MUCL3: variants seen among roughly 807,000 people sequenced by gnomAD.
The protein encoded by MUCL3 is mucin-like protein 3.
In MUCL3, 42 loss-of-function variants were observed where a neutral mutation model predicts 70.2. The ratio of observed to expected loss-of-function variants is 0.60; its 90% CI spans 0.47 to 0.77. The LOEUF is 0.77. Among genes scored for constraint, MUCL3 ranks in the 30% least tolerant of loss-of-function variants. MUCL3 has a pLI of 0.00. For missense variants in MUCL3, 1,429 were observed against 1,670.0 expected, an observed-to-expected ratio of 0.86 and a Z score of 2.52; for synonymous variants, 522 against 647.0, an observed-to-expected ratio of 0.81 and a Z score of 2.93.
At chr6:30,943,500 A>G (rs1261032353) in intron 1 of MUCL3, among the ~76,000 whole-genome samples, 1 of 151,464 alleles carries the variant, frequency 6.6e-6, no homozygotes, top group Non-Finnish European at 1.5e-5. Context: ...GGGAGGCTCA[A>G]GCGCAGTCTA....
chr6:30,951,600 G>C lies in MUCL3; in HGVS notation c.3136G>C (p.Glu1046Gln), dbSNP rs1182585140. 2.6e-6 allele frequency: 4 copies of C among 1,542,434 alleles called. No homozygotes were observed. Among genetic ancestry groups the C allele is most frequent in the Admixed American group, 2.0e-5 (1 of 50,806 alleles). Residue 1046 changes from glutamate to glutamine, a missense_variant, in exon 2 of 3, where the codon GAA becomes CAA. Glu to Gln is a conservative substitution (Grantham distance 29). Transcript: ENST00000462446. ...TCCAGCAAAGCCTACAGAACACGAA[G>C]AAATGACCCCATCGGCCAATGAGAA... ...PSPAKPTEHEEMTPSANENTT... is the reference protein window; with the variant it reads ...PSPAKPTEHEQMTPSANENTT...
intron 1 of MUCL3, 87 bp from the exon 2 acceptor site, chr6:30,948,460 A>G: frequency 9.4e-7 from 1 of 1,064,808 alleles, no homozygotes; most frequent in Non-Finnish European, 1.3e-6. Flanking sequence ...CAGGGGGAAC[A>G]AAGAGATCCC....
rs1335910271 is a variant in MUCL3, at chr6:30,950,787, C to A, written c.2323C>A (p.Pro775Thr). ...RTPLANEKTT[P>T]SLAEPTENGK... ...TCCATTGGCCAATGAGAAGACCACA[C>A]CATCTCTAGCAGAGCCTACAGAAAA... Residue 775 changes from proline to threonine, a missense_variant, in exon 2 of 3, where the codon CCA (proline) becomes ACA (threonine). Pro to Thr is a conservative substitution (Grantham distance 38). Coordinates refer to ENST00000462446, the MANE Select transcript of MUCL3 (RefSeq NM_080870.4). 2.6e-6 allele frequency: 4 copies of A among 1,548,708 alleles called. 1 individual carries two copies. The highest frequency in any genetic ancestry group is 2.4e-5 in the South Asian group (2 of 83,870).
At chr6:30,941,398 C>T (rs1795564910) in intron 1 of MUCL3, among the ~76,000 whole-genome samples, 1 of 151,662 alleles carries the variant, frequency 6.6e-6, no homozygotes, top group Non-Finnish European at 1.5e-5. Flanking sequence ...CATTGAGCAC[C>T]GTGCACGGAA....
chr6:30,951,762 T>C lies in MUCL3; in HGVS notation c.3298T>C (p.Ser1100Pro). The C allele has an allele frequency of 6.4e-7, 1 of 1,553,444 alleles. No individual in the cohort carries two copies. The highest frequency in any genetic ancestry group is 8.7e-7 in the Non-Finnish European group (1 of 1,148,280). The change falls in exon 2 of 3, where the codon TCC (serine) becomes CCC (proline). Residue 1100 changes from serine to proline, a missense_variant. Transcript: ENST00000462446. ...GTCGGCCAATGAGAAGATCACACCA[T>C]CCCTAGCAAAGCCTACAGAACATGG... ...TTSANEKITP[S>P]LAKPTEHGER...
intron 1 of MUCL3, among the ~76,000 whole-genome samples, chr6:30,945,675 C>T (rs1795750981): frequency 6.6e-6 from 1 of 151,914 alleles, no homozygotes; most frequent in African/African-American, 2.4e-5. Context: ...AAAACCCCGG[C>T]CGGATGCAAT....
rs1247933295 is a variant in MUCL3, at chr6:30,949,864, C to G, written c.1400C>G (p.Thr467Arg). ...PAGPTENRET[T>R]ANEKTTLSPV... ...GGGCCTACAGAAAACAGAGAAACGA[C>G]AGCCAACGAGAAGACCACACTATCC... Residue 467 changes from threonine (T) to arginine (R), a missense_variant, in exon 2 of 3, where the codon ACA becomes AGA. Thr to Arg is a moderately conservative substitution (Grantham distance 71). Coordinates refer to ENST00000462446, the MANE Select transcript of MUCL3 (RefSeq NM_080870.4). The G allele has an allele frequency of 6.5e-7, 1 of 1,549,788 alleles. No homozygotes were observed. Among genetic ancestry groups the G allele is most frequent in the Non-Finnish European group, 8.7e-7 (1 of 1,146,326 alleles).
rs749173886 is a variant in MUCL3 at position 30,950,265 on chromosome 6, C to T, written c.1801C>T (p.Pro601Ser). The change falls in exon 2 of 3, where the codon CCT becomes TCT. Residue 601 changes from proline (P) to serine (S), a missense_variant. By Grantham distance (74) the Pro-to-Ser change is moderately conservative. Transcript: ENST00000462446. ...NEKTTSSSAE[P>S]TEHEERTPLA... ...GAAGACCACATCATCCTCAGCAGAG[C>T]CTACAGAACACGAAGAAAGGACTCC... The T allele has an allele frequency of 3.0e-5, 47 of 1,550,150 alleles. No homozygotes were observed. The highest frequency in any genetic ancestry group is 4.0e-5 in the Non-Finnish European group (46 of 1,146,780).
At chr6:30,952,764 G>T (rs1760777439) in intron 2 of MUCL3, among the ~76,000 whole-genome samples, 1 of 152,054 alleles carries the variant, frequency 6.6e-6, no homozygotes, top group South Asian at 2.1e-4. Context: ...AGAGTCTGGG[G>T]TATGAGAATA....
rs141271962 is a variant in MUCL3 at position 30,952,177 on chromosome 6, T to C, written c.3713T>C (p.Val1238Ala). The change falls in exon 2 of 3, where the codon GTC becomes GCC. Residue 1238 changes from valine to alanine, a missense_variant. Physicochemically the swap from Val to Ala is moderately conservative, Grantham distance 64 (BLOSUM62 0). Coordinates refer to ENST00000462446, the MANE Select transcript of MUCL3 (RefSeq NM_080870.4). ...STENPEKTAA[V>A]TKTIKPSVKV... ...GAAAACCCAGAAAAAACAGCAGCAG[T>C]CACAAAGACTATAAAACCTTCAGTC... The C allele has an allele frequency of 4.8e-5, 78 of 1,613,266 alleles. No homozygotes were observed. In the African/African-American group the frequency reaches 8.6e-4, roughly 18 times the overall value.
In MUCL3 at chr6:30,949,309, T is replaced by C. The variant is rs868569774; in HGVS notation, c.845T>C (p.Leu282Pro). ...TCAGCCAATGAGCTCACACAATCTC[T>C]AGCAGAGCCTACAGAACATGGAGGA... The part of the protein sequence containing the change: ...TISANELTQS[L>P]AEPTEHGGRT... The change falls in exon 2 of 3, where the codon CTA becomes CCA. Residue 282 changes from leucine (L) to proline (P), a missense_variant. Coordinates refer to ENST00000462446, the MANE Select transcript of MUCL3 (RefSeq NM_080870.4). 1.3e-6 allele frequency: 2 copies of C among 1,551,362 alleles called. No individual in the cohort carries two copies. Among genetic ancestry groups the C allele is most frequent in the Middle Eastern group, 3.3e-4 (2 of 5,992 alleles).
At chr6:30,947,986 G>A (rs1180643152) in intron 1 of MUCL3, among the ~76,000 whole-genome samples, 2 of 152,160 alleles carry the variant, frequency 1.3e-5, no homozygotes, top group Non-Finnish European at 2.9e-5. Context: ...ATTTGGGATG[G>A]TGTTAGAATG....
In MUCL3 at chr6:30,951,707, A is replaced by G. The variant is rs1344077686; in HGVS notation, c.3243A>G (p.Glu1081=). Reference sequence around the variant, plus strand: ...ATGAGAAGATCACACTATCCCCAGAAGGGCCTACAGAACATGGAGCAAAAA... The same window carrying G: ...ATGAGAAGATCACACTATCCCCAGAGGGGCCTACAGAACATGGAGCAAAAA... ...LANEKITLSP[E]GPTEHGAKTT... Residue 1081 remains glutamate (E), a synonymous_variant, in exon 2 of 3, where the codon GAA becomes GAG. Transcript: ENST00000462446. 14 of 1,552,188 alleles carry G rather than the reference A, an allele frequency of 9.0e-6. No homozygotes were observed. The highest frequency in any genetic ancestry group is 1.4e-5 in the African/African-American group (1 of 73,018).
intron 1 of MUCL3, among the ~76,000 whole-genome samples, chr6:30,947,612 TA>T (rs1795829780): frequency 6.6e-6 from 1 of 151,264 alleles, no homozygotes; most frequent in Admixed American, 6.6e-5. Context: ...TGTCCACTGA[TA>T]GGGGTGTTTT....
rs1258557030 is a variant in MUCL3, at chr6:30,952,540, T to C, written c.4035+41T>C. On this transcript the variant is annotated intron_variant, in intron 2 of 2. Coordinates refer to ENST00000462446, the MANE Select transcript of MUCL3 (RefSeq NM_080870.4). ...GCCCCACAGAAATCAACCTATGGGA[T>C]AGGGAATTGAGGATACATTAGGGGT... The C allele has an allele frequency of 7.1e-6, 11 of 1,539,736 alleles. 1 individual carries two copies. The highest frequency in any genetic ancestry group is 4.5e-5 in the East Asian group (2 of 44,460).
chr6:30,951,225 C>G lies in MUCL3; in HGVS notation c.2761C>G (p.Pro921Ala), dbSNP rs779375082. The G allele has an allele frequency of 1.7e-5, 27 of 1,551,608 alleles. No individual in the cohort carries two copies. The highest frequency in any genetic ancestry group is 2.4e-5 in the Non-Finnish European group (27 of 1,147,028). Residue 921 changes from proline to alanine, a missense_variant, in exon 2 of 3, where the codon CCT (proline) becomes GCT (alanine). Transcript: ENST00000462446. ...NEKTTPSSAEPTEHGERTPLA... is the reference protein window; with the variant it reads ...NEKTTPSSAEATEHGERTPLA... ...GAAGACCACACCATCCTCAGCAGAGCCTACAGAACATGGAGAAAGGACCCC... is the reference window on the plus strand; with the variant it reads ...GAAGACCACACCATCCTCAGCAGAGGCTACAGAACATGGAGAAAGGACCCC...
Position 30,951,549 on chromosome 6 carries a change from T to C in MUCL3, c.3085T>C (p.Ser1029Pro), listed in dbSNP as rs1030086161. 3 of 1,546,866 alleles carry C rather than the reference T, an allele frequency of 1.9e-6. No homozygotes were observed. In the African/African-American group the frequency reaches 4.2e-5, roughly 22 times the overall value. The change falls in exon 2 of 3, where the codon TCA becomes CCA. Residue 1029 changes from serine to proline, a missense_variant. By Grantham distance (74) the Ser-to-Pro change is moderately conservative. Transcript: ENST00000462446. ...TACAGAACATGGAGAAAGGACACCA[T>C]CAGCCAATGAGAAGACCATACCATC... is the stretch of plus-strand genomic sequence containing the variant. The part of the protein sequence containing the change: ...EPTEHGERTP[S>P]ANEKTIPSPA...
In MUCL3 at chr6:30,948,888, C is replaced by T; in HGVS notation, c.424C>T (p.Pro142Ser). ...GATCCGGAACCAGCGCTCTGTTGAT[C>T]CTGCTGACTCCACTACCACACATAA... ...PMIRNQRSVD[P>S]ADSTTTHKES... The change falls in exon 2 of 3, where the codon CCT becomes TCT. Residue 142 changes from proline to serine, a missense_variant. Physicochemically the swap from Pro to Ser is moderately conservative, Grantham distance 74. Coordinates refer to ENST00000462446, the MANE Select transcript of MUCL3 (RefSeq NM_080870.4). 6.4e-7 allele frequency: 1 copy of T among 1,551,148 alleles called. No individual in the cohort carries two copies. The highest frequency in any genetic ancestry group is 8.7e-7 in the Non-Finnish European group (1 of 1,146,884).
rs904879053 is a variant in MUCL3 at position 30,950,563 on chromosome 6, C to G, written c.2099C>G (p.Pro700Arg). The G allele has an allele frequency of 1.9e-6, 3 of 1,549,866 alleles. No homozygotes were observed. Among genetic ancestry groups the G allele is most frequent in the Admixed American group, 2.0e-5 (1 of 50,802 alleles). ...NEKTTSSSAE[P>R]TEHGERTPLA... ...AAAACCACATCATCCTCAGCAGAGC[C>G]TACAGAACACGGAGAAAGGACCCCA... Residue 700 changes from proline (P) to arginine (R), a missense_variant, in exon 2 of 3, where the codon CCT becomes CGT. Coordinates refer to ENST00000462446, the MANE Select transcript of MUCL3 (RefSeq NM_080870.4).
Sources: allele counts gnomAD v4.1 joint callset (sites outside exome capture counted in the v4.1 genomes callset), GRCh38; gene constraint gnomAD v4.1.1; transcripts MANE v1.5; gene names NCBI Gene and HGNC (gene_info 2026-07-23, HGNC 2026-07-21).